Variants in LAX1 observed in about 807,000 individuals in gnomAD.
LAX1 encodes lymphocyte transmembrane adapter 1.
LAX1 carries 17 observed loss-of-function variants against 20.7 expected under a neutral mutation model. The ratio of observed to expected loss-of-function variants is 0.82; its 90% CI spans 0.56 to 1.23. LAX1 has a LOEUF of 1.23. LAX1 is among the 50% of genes most tolerant of loss of function. The pLI is 0.00. For missense variants in LAX1, 470 were observed against 487.0 expected (o/e 0.97, Z 0.33); for synonymous variants, 165 against 181.0 (o/e 0.91, Z 0.71).
intron 1 of LAX1, among the ~76,000 whole-genome samples, chr1:203,770,465 G>GAGAGA: frequency 5.8e-5 from 1 of 17,154 alleles, no homozygotes; most frequent in Non-Finnish European, 1.8e-4. Context: ...AAGGAAGGAA[G>GAGAGA]GAAGGAAGGA....
At chr1:203,772,423 T>C (rs1405365292) in intron 4 of LAX1, among the ~76,000 whole-genome samples, 1 of 136,410 alleles carries the variant, frequency 7.3e-6, no homozygotes, top group African/African-American at 2.5e-5. Flanking sequence ...GATTGGTATA[T>C]TTTTTTTTCT....
At chr1:203,766,245 G>C (rs965934471) in intron 1 of LAX1, among the ~76,000 whole-genome samples, 1 of 152,344 alleles carries the variant, frequency 6.6e-6, no homozygotes, top group East Asian at 1.9e-4. Flanking sequence ...GGGAGGCCGA[G>C]TGGGGCGGAT....
chr1:203,765,977 G>A (rs1034394815), intron 1 of LAX1, among the ~76,000 whole-genome samples: 1 of 152,136 alleles, frequency 6.6e-6, no homozygotes, highest in African/African-American at 2.4e-5. Context: ...GTGTCACCAT[G>A]ACAGAAACAA....
chr1:203,774,586 G>A lies in LAX1; in HGVS notation c.1102G>A (p.Glu368Lys). ...GAAACATAGAGAAGAGATGTCAAAT[G>A]AGGACTCCAGTGACTATGAAAATGT... ...QMKHREEMSN[E>K]DSSDYENVLT... Residue 368 changes from glutamate (E) to lysine (K), a missense_variant, in exon 5 of 5, where the codon GAG becomes AAG. By Grantham distance (56) the Glu-to-Lys change is moderately conservative (BLOSUM62 1). Coordinates refer to ENST00000442561, the MANE Select transcript of LAX1 (RefSeq NM_017773.4). 6.2e-7 allele frequency: 1 copy of A among 1,614,206 alleles called. No individual in the cohort carries two copies. Among genetic ancestry groups the A allele is most frequent in the Non-Finnish European group, 8.5e-7 (1 of 1,180,022 alleles).
chr1:203,771,465 C>T lies in LAX1; in HGVS notation c.298C>T (p.Gln100Ter). ...TATTTATGACATCTTGCCTTGGCGA[C>T]AGGAAGACCTGGGTAGGTTTTTCCT... is the stretch of plus-strand genomic sequence containing the variant. ...KNIYDILPWR[Q>*]EDLGRHESRS... Residue 100 changes from glutamine (Q) to a stop codon, truncating the protein, a stop_gained, in exon 3 of 5, where the codon CAG becomes TAG. Transcript: ENST00000442561. LOFTEE classifies it high-confidence loss of function. The T allele has an allele frequency of 6.2e-7, 1 of 1,605,542 alleles. No individual in the cohort carries two copies. Among genetic ancestry groups the T allele is most frequent in the Non-Finnish European group, 8.5e-7 (1 of 1,172,268 alleles).
intron 4 of LAX1, 116 bp from the exon 5 acceptor site, chr1:203,773,759 T>C (rs918428930): frequency 1.3e-3 from 104 of 80,456 alleles, no homozygotes; most frequent in Non-Finnish European, 2.0e-3. Context: ...TGCTCTTCTT[T>C]TTTTTTTTTT....
In LAX1 at chr1:203,770,898, G is replaced by A; in HGVS notation, c.160G>A (p.Val54Ile). ...CCTCGCCATCCTCCTGGTCGTTGCG[G>A]TTTTCTGCATCTTGTGGAATTGGAA... The part of the protein sequence containing the change: ...GLLAILLVVA[V>I]FCILWNWNKR... Residue 54 changes from valine (V) to isoleucine (I), a missense_variant, in exon 2 of 5, where the codon GTT becomes ATT. Physicochemically the swap from Val to Ile is conservative, Grantham distance 29. Transcript: ENST00000442561. 1 of 1,614,182 alleles carries A rather than the reference G, an allele frequency of 6.2e-7. No individual in the cohort carries two copies. The highest frequency in any genetic ancestry group is 8.5e-7 in the Non-Finnish European group (1 of 1,180,012).
chr1:203,769,251 G>C (rs1259968535), intron 1 of LAX1, among the ~76,000 whole-genome samples: 1 of 151,764 alleles, frequency 6.6e-6, no homozygotes, highest in Admixed American at 6.6e-5. Context: ...AATTAGCCGG[G>C]CGTGGTGGCG....
chr1:203,765,233 G>C lies in LAX1; in HGVS notation c.-333G>C. Reference sequence around the variant, plus strand: ...ACGAGCTTCTCACGGAGCCTCTCTTGAGCCTCTTGGCAGTTTCCCCCTCTG... The same window carrying C: ...ACGAGCTTCTCACGGAGCCTCTCTTCAGCCTCTTGGCAGTTTCCCCCTCTG... On this transcript the variant is annotated 5_prime_UTR_variant, in exon 1 of 5. Coordinates refer to ENST00000442561, the MANE Select transcript of LAX1 (RefSeq NM_017773.4). 1 of 953,014 alleles carries C rather than the reference G, an allele frequency of 1.0e-6. No individual in the cohort carries two copies. The highest frequency in any genetic ancestry group is 2.6e-5 in the East Asian group (1 of 38,124). 59.0% of individuals were successfully genotyped at this position (953,014 alleles called of 1,614,324 possible).
At chr1:203,771,764 A>G (rs1667426377) in intron 3 of LAX1, among the ~76,000 whole-genome samples, 1 of 152,172 alleles carries the variant, frequency 6.6e-6, no homozygotes, top group South Asian at 2.1e-4. Flanking sequence ...GACACCAAGG[A>G]AGAGAACTCG....
At position 203,767,834 on chromosome 1, in the gene LAX1, T is replaced by C. The variant is rs547964576; in HGVS notation, c.89+2180T>C. Among the ~76,000 whole-genome samples, 323 of 152,212 alleles carry C rather than the reference T, an allele frequency of 2.1e-3. 1 individual carries two copies. The highest frequency in any genetic ancestry group is 7.7e-3 in the African/African-American group (320 of 41,542). ...ATTATAGACAAGTGGGAGAGTCAAA[T>C]AATGAACAGAGCTGAGCGTGGTGGC... On this transcript the variant is annotated intron_variant, in intron 1 of 4. Coordinates refer to ENST00000442561, the MANE Select transcript of LAX1 (RefSeq NM_017773.4).
At position 203,772,123 on chromosome 1, in the gene LAX1, A is replaced by C. The variant is rs746901782; in HGVS notation, c.366A>C (p.Arg122Ser). ...TCAGTACTGAGAGCCTCCTCTCCAG[A>C]AATTCTGAGAGCCCGGAGCATGTGG... ...RIFSTESLLS[R>S]NSESPEHVPS... The change falls in exon 4 of 5, where the codon AGA becomes AGC. Residue 122 changes from arginine (R) to serine (S), a missense_variant. By Grantham distance (110) the Arg-to-Ser change is moderately radical (BLOSUM62 -1). Transcript: ENST00000442561. 6.2e-7 allele frequency: 1 copy of C among 1,613,968 alleles called. No individual in the cohort carries two copies. Among genetic ancestry groups the C allele is most frequent in the South Asian group, 1.1e-5 (1 of 91,082 alleles).
chr1:203,767,360 T>G (rs1186764973), intron 1 of LAX1, among the ~76,000 whole-genome samples: 1 of 142,022 alleles, frequency 7.0e-6, no homozygotes, highest in Non-Finnish European at 1.5e-5. Flanking sequence ...CAGGCTGGAG[T>G]GCAAGGTTGC....
rs1458370621 is a variant in LAX1, at chr1:203,776,081, GC to G, written c.*1402del. On this transcript the variant is annotated 3_prime_UTR_variant, in exon 5 of 5. Coordinates refer to ENST00000442561, the MANE Select transcript of LAX1 (RefSeq NM_017773.4). Reference sequence around the variant, plus strand: ...ACCCGTAATCCCAGCACTTTGCGGGGCCGAGGCAGGGGAACACAAGGTCAGG... The same window carrying G: ...ACCCGTAATCCCAGCACTTTGCGGGGCGAGGCAGGGGAACACAAGGTCAGG... 6.6e-6 allele frequency: 1 copy of G among 152,248 alleles called. No individual in the cohort carries two copies. The highest frequency in any genetic ancestry group is 1.5e-5 in the Non-Finnish European group (1 of 68,078). 9.4% of individuals were successfully genotyped at this position (152,248 alleles called of 1,614,324 possible). A position where few individuals can be genotyped will look rare whatever the true frequency, so the allele number is the denominator to read the frequency against.
rs185791194 is a variant in LAX1, at chr1:203,765,365, G to A, written c.-201G>A. The A allele has an allele frequency of 1.9e-5, 30 of 1,551,726 alleles. No homozygotes were observed. The highest frequency in any genetic ancestry group is 1.2e-4 in the Admixed American group (6 of 50,992). On this transcript the variant is annotated 5_prime_UTR_variant, in exon 1 of 5. It introduces an in-frame stop codon into an upstream open reading frame of the 5' UTR. Transcript: ENST00000442561. ...CGGATGAGATCGCACTTCCTGCAGT[G>A]GGCATTAGCCACGTCCAGGTAGAAC... is the stretch of plus-strand genomic sequence containing the variant.
chr1:203,770,518 A>G (rs572669646), intron 1 of LAX1, among the ~76,000 whole-genome samples: 3 of 126,358 alleles, frequency 2.4e-5, no homozygotes, highest in African/African-American at 9.1e-5. Context: ...AGGAAGAAAG[A>G]AAGAAAGAAA....
chr1:203,767,549 C>A (rs192611715), intron 1 of LAX1, among the ~76,000 whole-genome samples: 189 of 151,778 alleles, frequency 1.2e-3, no homozygotes, highest in Middle Eastern at 3.4e-3. Context: ...CTCAGGTGAT[C>A]CGCCCACCTC....
At chr1:203,768,430 C>T (rs146891092) in intron 1 of LAX1, among the ~76,000 whole-genome samples, 44 of 152,286 alleles carry the variant, frequency 2.9e-4, no homozygotes, top group African/African-American at 9.6e-4. Flanking sequence ...TGACATTTGA[C>T]GTTTCAGAAG....
chr1:203,770,454 AAAGG>A lies in LAX1; in HGVS notation c.90-318_90-315del, dbSNP rs767611921. On this transcript the variant is annotated intron_variant, in intron 1 of 4. Coordinates refer to ENST00000442561, the MANE Select transcript of LAX1 (RefSeq NM_017773.4). ...AAGAAAGAGAGAGAGAGAGAGAGAG[AAAGG>A]AAGGAAGGAAGGAAGGAAGGAAGGA... is the stretch of plus-strand genomic sequence containing the variant. 4.2e-3 allele frequency among the ~76,000 whole-genome samples: 93 copies of A among 21,942 alleles called. 1 individual carries two copies. Among genetic ancestry groups the A allele is most frequent in the African/African-American group, 9.3e-3 (86 of 9,198 alleles). The allele number at this position is 21,942 out of a possible 152,430, so 14.4% of individuals were successfully genotyped here.
Sources: gnomAD v4.1 joint callset for allele counts (sites outside exome capture counted in the v4.1 genomes callset) on GRCh38, gnomAD v4.1.1 for gene constraint, MANE v1.5 for transcripts, NCBI Gene and HGNC (gene_info 2026-07-23, HGNC 2026-07-21) for gene names.